The following DNAH7 variants were observed in gnomAD, a reference collection of about 807,000 sequenced individuals.
The protein encoded by DNAH7 is dynein axonemal heavy chain 7.
In DNAH7, 397 loss-of-function variants were observed where a neutral mutation model predicts 444.6. The observed-to-expected ratio is 0.89, with a 90% confidence interval of 0.82 to 0.97. The LOEUF (loss-of-function observed/expected upper bound fraction) is 0.97. DNAH7 is among the 50% of genes least tolerant of loss of function. The pLI is 0.00. For missense variants in DNAH7, 4,902 were observed against 4,800.8 expected, an observed-to-expected ratio of 1.02 and a Z score of -0.62; for synonymous variants, 1,636 against 1,624.4, an observed-to-expected ratio of 1.01 and a Z score of -0.17.
intron 51 of DNAH7, among the ~76,000 whole-genome samples, chr2:195,810,212 A>C (rs1414991099): frequency 6.6e-6 from 1 of 152,158 alleles, no homozygotes; most frequent in Non-Finnish European, 1.5e-5. Context: ...ACCTCTTTAT[A>C]ACAAATAATT....
At chr2:195,774,983 A>T (rs1224272453) in intron 60 of DNAH7, among the ~76,000 whole-genome samples, 1 of 152,254 alleles carries the variant, frequency 6.6e-6, no homozygotes, top group Non-Finnish European at 1.5e-5. Flanking sequence ...ACAACTGAGC[A>T]TATCTTCTAA....
At chr2:195,792,084 T>C (rs1695900240) in intron 57 of DNAH7, among the ~76,000 whole-genome samples, 1 of 149,638 alleles carries the variant, frequency 6.7e-6, no homozygotes, top group East Asian at 2.0e-4. Context: ...GGATAATCGT[T>C]TGAGCCCAAG....
At chr2:195,974,027 A>T (rs553101890) in intron 15 of DNAH7, among the ~76,000 whole-genome samples, 234 of 152,276 alleles carry the variant, frequency 1.5e-3, no homozygotes, top group Non-Finnish European at 2.9e-3. Context: ...CACTGAGCTG[A>T]GATCACATCA....
chr2:195,909,143 A>T (rs557271489), intron 25 of DNAH7, among the ~76,000 whole-genome samples: 5 of 152,234 alleles, frequency 3.3e-5, no homozygotes, highest in South Asian at 4.1e-4. Context: ...TATGATGATT[A>T]TCTGGGTGAC....
chr2:195,824,472 T>C, intron 48 of DNAH7, 27 bp from the exon 49 acceptor site: 1 of 1,560,766 alleles, frequency 6.4e-7, no homozygotes, highest in Admixed American at 1.9e-5. Context: ...AAAGATTTCA[T>C]GTTATTTTAA....
intron 15 of DNAH7, 114 bp from the exon 16 acceptor site, chr2:195,972,580 T>A: frequency 1.3e-6 from 1 of 746,180 alleles, no homozygotes; most frequent in Non-Finnish European, 2.2e-6. Flanking sequence ...TCAACACTTT[T>A]GGTTCAAAAT....
intron 21 of DNAH7, among the ~76,000 whole-genome samples, chr2:195,934,177 A>AT (rs1688891461): frequency 6.6e-6 from 1 of 152,222 alleles, no homozygotes; most frequent in South Asian, 2.1e-4. Context: ...ATTTTCTAAC[A>AT]TTTTGTATGC....
intron 17 of DNAH7, among the ~76,000 whole-genome samples, chr2:195,963,927 G>T (rs1490564303): frequency 2.6e-5 from 4 of 152,150 alleles, no homozygotes; most frequent in African/African-American, 4.8e-5. Context: ...GTAGATTTAT[G>T]AATTTGTTTC....
At chr2:195,913,981 T>C (rs1574751491) in intron 24 of DNAH7, among the ~76,000 whole-genome samples, 1 of 152,356 alleles carries the variant, frequency 6.6e-6, no homozygotes, top group East Asian at 1.9e-4. Context: ...CTCAAAGTGC[T>C]GAGATTACAG....
At chr2:196,059,183 T>C (rs1054503942) in intron 1 of DNAH7, among the ~76,000 whole-genome samples, 1 of 152,180 alleles carries the variant, frequency 6.6e-6, no homozygotes, top group Non-Finnish European at 1.5e-5. Flanking sequence ...TTTCCTAGAA[T>C]GGTCTACTTC....
At chr2:196,047,021 A>T (rs572320933) in intron 5 of DNAH7, among the ~76,000 whole-genome samples, 1 of 152,236 alleles carries the variant, frequency 6.6e-6, no homozygotes, top group South Asian at 2.1e-4. Flanking sequence ...CAATGCCGGA[A>T]AAGTCACCCC....
At chr2:195,850,074 G>T (rs1699260255) in intron 46 of DNAH7, among the ~76,000 whole-genome samples, 1 of 152,208 alleles carries the variant, frequency 6.6e-6, no homozygotes, top group Non-Finnish European at 1.5e-5. Flanking sequence ...AGAATGCTCA[G>T]CTTAGAGTTG....
At chr2:195,988,720 G>A (rs577057464) in intron 12 of DNAH7, among the ~76,000 whole-genome samples, 1 of 152,082 alleles carries the variant, frequency 6.6e-6, no homozygotes, top group South Asian at 2.1e-4. Flanking sequence ...GCTATTTTGA[G>A]ATATATAATG....
chr2:195,900,192 A>G, intron 28 of DNAH7, 90 bp downstream of exon 28: 4 of 1,384,362 alleles, frequency 2.9e-6, no homozygotes, highest in Non-Finnish European at 3.0e-6. Context: ...AATTAAGGAA[A>G]CCAACAAGTT....
rs530163664 is a variant in DNAH7 at position 195,808,758 on chromosome 2, T to G, written c.10007A>C (p.Asp3336Ala). The change falls in exon 53 of 65, where the codon GAT becomes GCT. Residue 3336 changes from aspartate (D) to alanine (A), a missense_variant. Coordinates refer to ENST00000312428, the MANE Select transcript of DNAH7 (RefSeq NM_018897.3). ...KSWDEICRLD[D>A]LPAFKTIRRE... The stretch of plus-strand genomic sequence containing the variant: ...ACGAATGGTTTTGAAGGCAGGCAAA[T>G]CATCTAATCGACATATTTCATCCCA... The G allele has an allele frequency of 6.2e-7, 1 of 1,614,020 alleles. No individual in the cohort carries two copies. The highest frequency in any genetic ancestry group is 8.5e-7 in the Non-Finnish European group (1 of 1,179,954).
At chr2:196,017,452 A>G (rs1177356477) in intron 9 of DNAH7, among the ~76,000 whole-genome samples, 1 of 152,234 alleles carries the variant, frequency 6.6e-6, no homozygotes, top group Non-Finnish European at 1.5e-5. Context: ...TAAACTTAAG[A>G]AGGAAAAGTG....
At chr2:195,895,264 T>A in intron 29 of DNAH7, 40 bp from the exon 30 acceptor site, 2 of 1,324,310 alleles carry the variant, frequency 1.5e-6, no homozygotes, top group Non-Finnish European at 2.0e-6. Context: ...TTTTATATAT[T>A]TATATTAAAT....
chr2:195,834,420 T>A lies in DNAH7; in HGVS notation c.8946-60A>T, dbSNP rs369423771. The A allele has an allele frequency of 9.4e-6, 14 of 1,496,264 alleles. No homozygotes were observed. In the East Asian group the frequency reaches 3.0e-4, roughly 32 times the overall value. 92.7% of individuals were successfully genotyped at this position (1,496,264 alleles called of 1,614,324 possible). On this transcript the variant is annotated intron_variant, in intron 47 of 64. Coordinates refer to ENST00000312428, the MANE Select transcript of DNAH7 (RefSeq NM_018897.3). ...CATGATTTGTTTCTACACTACTTAA[T>A]CATGTTCACATCACAGGTCACTTTT... is the stretch of plus-strand genomic sequence containing the variant.
intron 54 of DNAH7, among the ~76,000 whole-genome samples, chr2:195,800,570 T>C (rs369794735): frequency 6.6e-6 from 1 of 152,208 alleles, no homozygotes; most frequent in Non-Finnish European, 1.5e-5. Context: ...ATTAGTAACA[T>C]GTAACGGATC....
Sources: allele counts gnomAD v4.1 joint callset (sites outside exome capture counted in the v4.1 genomes callset), GRCh38; gene constraint gnomAD v4.1.1; transcripts MANE v1.5; gene names NCBI Gene and HGNC (gene_info 2026-07-23, HGNC 2026-07-21).